G6PC2: variants seen among roughly 807,000 people sequenced by gnomAD.
G6PC2 encodes glucose-6-phosphatase catalytic subunit 2, also known as glucose-6-phosphatase 2.
G6PC2 carries 41 observed loss-of-function variants against 35.4 expected under a neutral mutation model. The observed-to-expected ratio is 1.16, with a 90% CI of 0.90 to 1.50. The LOEUF (loss-of-function observed/expected upper bound fraction) is 1.50. Among genes scored for constraint, G6PC2 ranks in the 40% most tolerant of loss-of-function variants. The pLI is 0.00. For missense variants in G6PC2, 441 were observed against 426.5 expected, an observed-to-expected ratio of 1.03 and a Z score of -0.30; for synonymous variants, 165 against 153.2, an observed-to-expected ratio of 1.08 and a Z score of -0.57.
In G6PC2 at chr2:168,909,775, A is replaced by G. The variant is rs1480632543; in HGVS notation, c.*1696A>G. Reference sequence around the variant, plus strand: ...ATACATTAATTATTTTAGATGACATATTAAATAATCTATGAATATTAATGA... The same window carrying G: ...ATACATTAATTATTTTAGATGACATGTTAAATAATCTATGAATATTAATGA... On this transcript the variant is annotated 3_prime_UTR_variant, in exon 5 of 5. Coordinates refer to ENST00000375363, the MANE Select transcript of G6PC2 (RefSeq NM_021176.3). 1 of 152,250 alleles carries G rather than the reference A, an allele frequency of 6.6e-6. No homozygotes were observed. Among genetic ancestry groups the G allele is most frequent in the Admixed American group, 6.5e-5 (1 of 15,286 alleles). 9.4% of individuals were successfully genotyped at this position (152,250 alleles called of 1,614,324 possible).
rs1371546169 is a variant in G6PC2 at position 168,907,689 on chromosome 2, G to A, written c.678G>A (p.Arg226=). 2 of 1,613,998 alleles carry A rather than the reference G, an allele frequency of 1.2e-6. No homozygotes were observed. The highest frequency in any genetic ancestry group is 8.5e-7 in the Non-Finnish European group (1 of 1,179,992). ...LFAVGFYLLL[R]VLNIDLLWSV... ...CAGTTGGCTTTTACCTGCTTCTTAG[G>A]GTGCTCAACATTGACCTGCTGTGGT... Residue 226 remains arginine, a synonymous_variant, in exon 5 of 5, where the codon AGG becomes AGA. Coordinates refer to ENST00000375363, the MANE Select transcript of G6PC2 (RefSeq NM_021176.3).
chr2:168,902,663 A>G (rs1690625799), intron 2 of G6PC2, 109 bp downstream of exon 2: 1 of 722,714 alleles, frequency 1.4e-6, no homozygotes, highest in Non-Finnish European at 2.5e-6. Flanking sequence ...AGAAAATCTC[A>G]TGAGTGAGGA....
rs975350539 is a variant in G6PC2 at position 168,908,964 on chromosome 2, C to A, written c.*885C>A. ...GAGGATGTTCCACCCATGTCAGCCT[C>A]CCACAGTGCTGGGATTGCAGGCTTG... On this transcript the variant is annotated 3_prime_UTR_variant, in exon 5 of 5. Coordinates refer to ENST00000375363, the MANE Select transcript of G6PC2 (RefSeq NM_021176.3). 7 of 152,158 alleles carry A rather than the reference C, an allele frequency of 4.6e-5. No homozygotes were observed. The highest frequency in any genetic ancestry group is 1.0e-4 in the Non-Finnish European group (7 of 68,046). The allele number at this position is 152,158 out of a possible 1,614,324, so 9.4% of individuals were successfully genotyped here. A position where few individuals can be genotyped will look rare whatever the true frequency, so the allele number is the denominator to read the frequency against.
In G6PC2 at chr2:168,907,690, G is replaced by A. The variant is rs767421347; in HGVS notation, c.679G>A (p.Val227Met). The A allele has an allele frequency of 1.2e-6, 2 of 1,614,028 alleles. No individual in the cohort carries two copies. Among genetic ancestry groups the A allele is most frequent in the Non-Finnish European group, 1.7e-6 (2 of 1,179,984 alleles). Residue 227 changes from valine (V) to methionine (M), a missense_variant, in exon 5 of 5, where the codon GTG becomes ATG. Physicochemically the swap from Val to Met is conservative, Grantham distance 21. Coordinates refer to ENST00000375363, the MANE Select transcript of G6PC2 (RefSeq NM_021176.3). The part of the protein sequence containing the change: ...FAVGFYLLLR[V>M]LNIDLLWSVP... Reference sequence around the variant, plus strand: ...AGTTGGCTTTTACCTGCTTCTTAGGGTGCTCAACATTGACCTGCTGTGGTC... The same window carrying A: ...AGTTGGCTTTTACCTGCTTCTTAGGATGCTCAACATTGACCTGCTGTGGTC...
rs1356577704 is a variant in G6PC2 at position 168,908,115 on chromosome 2, C to T, written c.*36C>T. ...AGAGTTAGTGCTCTGTGTCACAGAT[C>T]ACCCTTCTCCATCCACCAGTAGAGC... On this transcript the variant is annotated 3_prime_UTR_variant, in exon 5 of 5. Coordinates refer to ENST00000375363, the MANE Select transcript of G6PC2 (RefSeq NM_021176.3). 1 of 1,559,890 alleles carries T rather than the reference C, an allele frequency of 6.4e-7. No individual in the cohort carries two copies. The highest frequency in any genetic ancestry group is 1.7e-5 in the Admixed American group (1 of 59,966).
intron 2 of G6PC2, chr2:168,902,821 T>TAA (rs58776911): frequency 0.012 from 5,821 of 486,132 alleles, 272 homozygotes; most frequent in African/African-American, 0.1. Flanking sequence ...CAGAAGAATA[T>TAA]AATGACTTGA....
rs1439235691 is a variant in G6PC2 at position 168,908,025 on chromosome 2, C to A, written c.1014C>A (p.Phe338Leu). 1.9e-6 allele frequency: 3 copies of A among 1,613,142 alleles called. No homozygotes were observed. The South Asian group carries it at 3.3e-5, about 18-fold the overall frequency. The part of the protein sequence containing the change: ...SASIPLTVVA[F>L]IPYSVHMLMK... ...CCATTCCCCTAACTGTGGTTGCTTT[C>A]ATTCCCTACTCTGTTCATATGTTAA... Residue 338 changes from phenylalanine (F) to leucine (L), a missense_variant, in exon 5 of 5, where the codon TTC becomes TTA. Physicochemically the swap from Phe to Leu is conservative, Grantham distance 22. Coordinates refer to ENST00000375363, the MANE Select transcript of G6PC2 (RefSeq NM_021176.3).
chr2:168,904,709 C>A, intron 3 of G6PC2, 93 bp downstream of exon 3: 1 of 770,552 alleles, frequency 1.3e-6, no homozygotes, highest in South Asian at 1.4e-5. Context: ...CAGTTTTAGT[C>A]AATGAATAAA....
intron 4 of G6PC2, 71 bp downstream of exon 4, chr2:168,906,850 A>G: frequency 1.2e-6 from 1 of 845,424 alleles, no homozygotes. Context: ...AGGGTATCAG[A>G]TTGTCCCCGG....
At chr2:168,906,532 A>T in intron 3 of G6PC2, 132 bp from the exon 4 acceptor site, 1 of 685,936 alleles carries the variant, frequency 1.5e-6, no homozygotes, top group South Asian at 1.6e-5. Flanking sequence ...TTGAAAAAAA[A>T]GATTCTAGAA....
chr2:168,908,454 C>G lies in G6PC2; in HGVS notation c.*375C>G, dbSNP rs371472092. On this transcript the variant is annotated 3_prime_UTR_variant, in exon 5 of 5. Transcript: ENST00000375363. The stretch of plus-strand genomic sequence containing the variant: ...CAGTCTTCAGCATCCCAGCAGGAGC[C>G]CCACTATGATTCCTTTATCTTCTTA... 20 of 299,854 alleles carry G rather than the reference C, an allele frequency of 6.7e-5. No individual in the cohort carries two copies. Among genetic ancestry groups the G allele is most frequent in the Admixed American group, 1.9e-4 (4 of 20,658 alleles). The allele number at this position is 299,854 out of a possible 1,614,324, so 18.6% of individuals were successfully genotyped here.
chr2:168,904,792 T>C (rs1426067147), intron 3 of G6PC2, among the ~76,000 whole-genome samples, 176 bp downstream of exon 3: 5 of 152,250 alleles, frequency 3.3e-5, no homozygotes, highest in African/African-American at 1.2e-4. Flanking sequence ...TTTAAGATAA[T>C]AGCCTAATTA....
chr2:168,905,050 C>T (rs145365502), intron 3 of G6PC2, among the ~76,000 whole-genome samples: 55 of 152,292 alleles, frequency 3.6e-4, no homozygotes, highest in Non-Finnish European at 6.5e-4. Context: ...CTTCCTTCTT[C>T]GAATAGCCAA....
intron 3 of G6PC2, among the ~76,000 whole-genome samples, chr2:168,906,198 C>T (rs1347251967): frequency 6.6e-6 from 1 of 151,480 alleles, no homozygotes; most frequent in East Asian, 1.9e-4. Flanking sequence ...ATGGAATGCT[C>T]ATGCGCTTTT....
At position 168,907,899 on chromosome 2, in the gene G6PC2, T is replaced by A; in HGVS notation, c.888T>A (p.Cys296Ter). The change falls in exon 5 of 5, where the codon TGT becomes TGA. Residue 296 changes from cysteine to a stop codon, truncating the protein, a stop_gained. Transcript: ENST00000375363. LOFTEE classifies it high-confidence loss of function. ...NNYTLSFRLLCALTSLTILQL... is the reference protein window; with the variant it reads ...NNYTLSFRLL Reference sequence around the variant, plus strand: ...ACACACTGAGCTTCCGGTTGCTCTGTGCCTTGACCTCATTGACAATACTGC... The same window carrying A: ...ACACACTGAGCTTCCGGTTGCTCTGAGCCTTGACCTCATTGACAATACTGC... The A allele has an allele frequency of 6.2e-7, 1 of 1,614,108 alleles. No homozygotes were observed.
Position 168,907,982 on chromosome 2 carries a change from CT to C in G6PC2, c.976del (p.Cys326ValfsTer8). ...THEEHLFYVL[S>X]FCKSASIPLT... The stretch of plus-strand genomic sequence containing the variant: ...GAAGAGCATTTATTTTATGTGCTGT[CT>C]TTTTGTAAAAGTGCATCCATTCCCC... On this transcript the variant is annotated frameshift_variant, in exon 5 of 5. Transcript: ENST00000375363. LOFTEE classifies it high-confidence loss of function. 6.2e-7 allele frequency: 1 copy of C among 1,613,774 alleles called. No homozygotes were observed. The highest frequency in any genetic ancestry group is 1.1e-5 in the South Asian group (1 of 91,078).
chr2:168,901,738 T>G (rs887307023), intron 1 of G6PC2, among the ~76,000 whole-genome samples, 189 bp downstream of exon 1: 6 of 16,574 alleles, frequency 3.6e-4, no homozygotes, highest in South Asian at 6.3e-3. Context: ...TATGTTTTTG[T>G]TTTTTTTTTT....
chr2:168,904,491 C>T lies in G6PC2; in HGVS notation c.329-14C>T. 2 of 1,407,058 alleles carry T rather than the reference C, an allele frequency of 1.4e-6. No homozygotes were observed. Among genetic ancestry groups the T allele is most frequent in the Non-Finnish European group, 1.0e-6 (1 of 991,026 alleles). 87.2% of individuals were successfully genotyped at this position (1,407,058 alleles called of 1,614,324 possible). On this transcript the variant is annotated splice_polypyrimidine_tract_variant and intron_variant, in intron 2 of 4. Transcript: ENST00000375363. ...TAACCACTTTTCAAATGGACGGACA[C>T]TTTGTTGTTGCAGGAAGTCCATCTG...
Position 168,907,297 on chromosome 2 carries a change from C to A in G6PC2, c.557-271C>A, listed in dbSNP as rs576768838. ...CAATTGAAATGTTAATTGCAAGTACCTAGATCAGTGCTCTGTCTAAAAAGC... is the reference window on the plus strand; with the variant it reads ...CAATTGAAATGTTAATTGCAAGTACATAGATCAGTGCTCTGTCTAAAAAGC... On this transcript the variant is annotated intron_variant, in intron 4 of 4. Transcript: ENST00000375363. Among the ~76,000 whole-genome samples the A allele has an allele frequency of 5.3e-4, 81 of 152,280 alleles. 2 individuals carry two copies. Among genetic ancestry groups the A allele is most frequent in the Admixed American group, 4.4e-3 (68 of 15,302 alleles).
Sources: gnomAD v4.1 joint callset for allele counts (sites outside exome capture counted in the v4.1 genomes callset) on GRCh38, gnomAD v4.1.1 for gene constraint, MANE v1.5 for transcripts, NCBI Gene and HGNC (gene_info 2026-07-23, HGNC 2026-07-21) for gene names.